The following KAT6B variants were observed in gnomAD, a reference collection of about 807,000 sequenced individuals.
KAT6B encodes the protein histone acetyltransferase KAT6B.
Under a neutral mutation model 187.5 loss-of-function variants are expected in KAT6B, and 10 were observed. The ratio of observed to expected loss-of-function variants is 0.05; its 90% CI spans 0.03 to 0.09. The LOEUF (loss-of-function observed/expected upper bound fraction) is 0.09. Among genes scored for constraint, KAT6B ranks in the 10% least tolerant of loss-of-function variants. The pLI is 1.00. For synonymous variants in KAT6B, 861 were observed against 926.8 expected (o/e 0.93, Z 1.29); for missense variants, 1,952 against 2,558.9 (o/e 0.76, Z 5.12).
chr10:74,906,839 G>A (rs766403428), intron 3 of KAT6B, among the ~76,000 whole-genome samples: 5 of 152,122 alleles, frequency 3.3e-5, no homozygotes, highest in Non-Finnish European at 4.4e-5. Context: ...TTTCTGGAGC[G>A]TCCGCCTCTG....
At chr10:74,898,231 G>C (rs1846121308) in intron 3 of KAT6B, among the ~76,000 whole-genome samples, 1 of 152,174 alleles carries the variant, frequency 6.6e-6, no homozygotes, top group Non-Finnish European at 1.5e-5. Flanking sequence ...TGCAGTTACT[G>C]GAGGCAGTGT....
intron 3 of KAT6B, among the ~76,000 whole-genome samples, chr10:74,941,744 A>G (rs1194482776): frequency 6.6e-6 from 1 of 152,240 alleles, no homozygotes; most frequent in African/African-American, 2.4e-5. Context: ...AATAGTGATG[A>G]AATCTATCAA....
Position 74,863,134 on chromosome 10 carries a change from T to C in KAT6B, c.621+19656T>C, listed in dbSNP as rs1028694131. Among the ~76,000 whole-genome samples, 9 of 152,380 alleles carry C rather than the reference T, an allele frequency of 5.9e-5. No homozygotes were observed. In the South Asian group the frequency reaches 6.2e-4, roughly 11 times the overall value. On this transcript the variant is annotated intron_variant, in intron 3 of 17. Transcript: ENST00000287239. Reference sequence around the variant, plus strand: ...AGATTTGGAGATGATACATTATCACTGCAAATTTGACTATAAAGATAACTA... The same window carrying C: ...AGATTTGGAGATGATACATTATCACCGCAAATTTGACTATAAAGATAACTA...
At chr10:74,996,031 C>T (rs2133923867) in intron 13 of KAT6B, among the ~76,000 whole-genome samples, 1 of 152,298 alleles carries the variant, frequency 6.6e-6, no homozygotes, top group Non-Finnish European at 1.5e-5. Flanking sequence ...GTGAGAGAAC[C>T]AAGTGCCAGA....
At chr10:74,848,968 A>T (rs1258470032) in intron 3 of KAT6B, among the ~76,000 whole-genome samples, 1 of 152,152 alleles carries the variant, frequency 6.6e-6, no homozygotes, top group Admixed American at 6.6e-5. Context: ...AGTGATCTCA[A>T]TTACAATCTA....
intron 3 of KAT6B, among the ~76,000 whole-genome samples, chr10:74,940,140 T>G (rs975739212): frequency 1.8e-4 from 27 of 152,196 alleles, no homozygotes; most frequent in African/African-American, 6.0e-4. Flanking sequence ...ACACTTACTT[T>G]CTATTAAAAT....
intron 3 of KAT6B, among the ~76,000 whole-genome samples, chr10:74,922,957 C>T (rs1438085228): frequency 2.0e-5 from 3 of 152,098 alleles, no homozygotes; most frequent in African/African-American, 7.2e-5. Flanking sequence ...CTGGGAATGC[C>T]TGAGGATTGA....
chr10:74,888,234 C>T (rs1845424330), intron 3 of KAT6B, among the ~76,000 whole-genome samples: 1 of 152,084 alleles, frequency 6.6e-6, no homozygotes, highest in Admixed American at 6.5e-5. Context: ...TTGGGTATAG[C>T]TGGGAAGTGA....
At chr10:74,996,940 A>G (rs1843473098) in intron 13 of KAT6B, among the ~76,000 whole-genome samples, 1 of 152,176 alleles carries the variant, frequency 6.6e-6, no homozygotes, top group Non-Finnish European at 1.5e-5. Flanking sequence ...TATTTAAAGC[A>G]AACATAATGA....
rs1589511634 is a variant in KAT6B at position 74,869,140 on chromosome 10, C to G, written c.621+25662C>G. Among the ~76,000 whole-genome samples the G allele has an allele frequency of 3.9e-5, 6 of 152,188 alleles. 1 individual carries two copies. The highest frequency in any genetic ancestry group is 3.9e-4 in the Admixed American group (6 of 15,274). On this transcript the variant is annotated intron_variant, in intron 3 of 17. Coordinates refer to ENST00000287239, the MANE Select transcript of KAT6B (RefSeq NM_012330.4). ...TGAAGGGTGAAACACTGTTTAGACT[C>G]TTGCCACCTTAATACAACCGTTTTG... is the stretch of plus-strand genomic sequence containing the variant.
chr10:74,989,681 C>T (rs1260878534), intron 13 of KAT6B, among the ~76,000 whole-genome samples: 1 of 152,020 alleles, frequency 6.6e-6, no homozygotes, highest in Non-Finnish European at 1.5e-5. Context: ...ATCTTATATG[C>T]ACTCATATCT....
chr10:74,994,817 A>G (rs1843327892), intron 13 of KAT6B, among the ~76,000 whole-genome samples: 1 of 152,048 alleles, frequency 6.6e-6, no homozygotes, highest in Non-Finnish European at 1.5e-5. Context: ...AAAAAAAAAA[A>G]AAATGGAGGA....
At chr10:74,977,536 A>T in intron 9 of KAT6B, 99 bp downstream of exon 9, 1 of 1,417,144 alleles carries the variant, frequency 7.1e-7, no homozygotes, top group Non-Finnish European at 9.9e-7. Flanking sequence ...ATCCCTTTCA[A>T]CATCCTTTGT....
chr10:74,981,153 A>G (rs1842480316), intron 10 of KAT6B, among the ~76,000 whole-genome samples: 1 of 152,202 alleles, frequency 6.6e-6, no homozygotes, highest in South Asian at 2.1e-4. Flanking sequence ...GTGGTTCCAC[A>G]TCTGTAAAGC....
intron 3 of KAT6B, among the ~76,000 whole-genome samples, chr10:74,846,837 T>C (rs540646566): frequency 2.0e-5 from 3 of 152,366 alleles, no homozygotes; most frequent in African/African-American, 7.2e-5. Flanking sequence ...TTTTTAAAAA[T>C]ATGTACACTA....
At chr10:74,862,772 A>G (rs1013005909) in intron 3 of KAT6B, among the ~76,000 whole-genome samples, 16 of 152,180 alleles carry the variant, frequency 1.1e-4, no homozygotes, top group Admixed American at 5.2e-4. Context: ...AGCACTGACC[A>G]CACTGGGATA....
At chr10:74,826,125 C>T (rs1024421936), upstream of KAT6B, among the ~76,000 whole-genome samples, 1 of 133,938 alleles carries the variant, frequency 7.5e-6, no homozygotes, top group Non-Finnish European at 1.6e-5. Context: ...TAGCTGCGGG[C>T]TAGGGGGTTT....
intron 3 of KAT6B, among the ~76,000 whole-genome samples, chr10:74,952,900 A>G (rs937205578): frequency 8.2e-6 from 1 of 121,284 alleles, no homozygotes; most frequent in Non-Finnish European, 1.6e-5. Context: ...AGGTTTCACC[A>G]TGTTGGCCAG....
chr10:74,907,634 A>G (rs1351478755), intron 3 of KAT6B, among the ~76,000 whole-genome samples: 3 of 151,822 alleles, frequency 2.0e-5, no homozygotes, highest in Non-Finnish European at 4.4e-5. Context: ...GGTTCAAGCA[A>G]TTCTCCTACC....
Sources: allele counts gnomAD v4.1 joint callset (sites outside exome capture counted in the v4.1 genomes callset), GRCh38; gene constraint gnomAD v4.1.1; transcripts MANE v1.5; gene names NCBI Gene and HGNC (gene_info 2026-07-23, HGNC 2026-07-21).